The following CRYBG1 variants were observed in gnomAD, a reference collection of about 807,000 sequenced individuals.
CRYBG1 encodes the protein beta/gamma crystallin domain-containing protein 1.
Under a neutral mutation model 189.2 loss-of-function variants are expected in CRYBG1, and 139 were observed. The observed-to-expected ratio is 0.73, with a 90% CI of 0.64 to 0.85. CRYBG1 has a LOEUF of 0.85. CRYBG1 is among the 40% of genes least tolerant of loss of function. The pLI is 0.00. For synonymous variants in CRYBG1, 1,023 were observed against 1,017.1 expected (o/e 1.01, Z -0.11); for missense variants, 2,611 against 2,675.8 (o/e 0.98, Z 0.53).
rs116885114 is a variant in CRYBG1 at position 106,386,661 on chromosome 6, G to T, written c.173+25580G>T. 3.4e-3 allele frequency among the ~76,000 whole-genome samples: 434 copies of T among 127,316 alleles called. 1 individual carries two copies. Among genetic ancestry groups the T allele is most frequent in the Non-Finnish European group, 3.3e-3 (195 of 59,288 alleles). 83.5% of individuals were successfully genotyped at this position (127,316 alleles called of 152,430 possible). A position where few individuals can be genotyped will look rare whatever the true frequency, so the allele number is the denominator to read the frequency against. On this transcript the variant is annotated intron_variant, in intron 1 of 21. Coordinates refer to ENST00000633556, the MANE Select transcript of CRYBG1 (RefSeq NM_001371242.2). ...AAGGAGCATGCAGCCTAGATCCCTT[G>T]TATGTACAGTTCACAATAGGGGTCA...
chr6:106,401,611 G>C (rs1471195225), intron 1 of CRYBG1, among the ~76,000 whole-genome samples: 1 of 109,978 alleles, frequency 9.1e-6, no homozygotes, highest in African/African-American at 3.7e-5. Context: ...CTGTGTCCAA[G>C]TGATCTCATT....
intron 21 of CRYBG1, 69 bp downstream of exon 21, chr6:106,563,995 A>G: frequency 1.4e-6 from 2 of 1,469,336 alleles, no homozygotes; most frequent in Non-Finnish European, 9.4e-7. Flanking sequence ...AAATCTATTC[A>G]TAACTTTTGA....
chr6:106,385,465 G>A (rs1391837984), intron 1 of CRYBG1, among the ~76,000 whole-genome samples: 1 of 152,166 alleles, frequency 6.6e-6, no homozygotes, highest in Non-Finnish European at 1.5e-5. Flanking sequence ...AGTCATGGCA[G>A]CTACTCTGTC....
chr6:106,481,500 C>T (rs1477661490), intron 2 of CRYBG1, among the ~76,000 whole-genome samples: 1 of 152,160 alleles, frequency 6.6e-6, no homozygotes, highest in East Asian at 1.9e-4. Flanking sequence ...TGCATCTCCT[C>T]TCTCTGAAAG....
intron 1 of CRYBG1, among the ~76,000 whole-genome samples, chr6:106,370,557 C>T (rs1201805304): frequency 6.6e-6 from 1 of 152,300 alleles, no homozygotes; most frequent in African/African-American, 2.4e-5. Context: ...TTCCACCTTA[C>T]ATTGACCTTA....
intron 3 of CRYBG1, among the ~76,000 whole-genome samples, chr6:106,517,622 C>T (rs1004016761): frequency 6.6e-6 from 1 of 151,814 alleles, no homozygotes; most frequent in Non-Finnish European, 1.5e-5. Context: ...GAGTGGACAG[C>T]CCCATCCTCA....
chr6:106,511,444 TC>T lies in CRYBG1; in HGVS notation c.329del (p.Pro110GlnfsTer29). ...GIFKKSRAQP[P>X]EDNRRKPVLG... is the part of the protein sequence containing the mutation. ...TTATTTTTCAGTCCAGAGCACAACCTCCAGAAGACAACAGAAGGAAGCCAGT... is the reference window on the plus strand; with the variant it reads ...TTATTTTTCAGTCCAGAGCACAACCTCAGAAGACAACAGAAGGAAGCCAGT... On this transcript the variant is annotated frameshift_variant, in exon 3 of 22. Transcript: ENST00000633556. LOFTEE classifies it high-confidence loss of function. The T allele has an allele frequency of 2.6e-6, 4 of 1,535,578 alleles. No homozygotes were observed. The highest frequency in any genetic ancestry group is 3.5e-6 in the Non-Finnish European group (4 of 1,146,570).
intron 2 of CRYBG1, among the ~76,000 whole-genome samples, chr6:106,508,954 C>T (rs563003613): frequency 7.3e-6 from 1 of 136,738 alleles, no homozygotes; most frequent in East Asian, 2.2e-4. Context: ...AATGCCTATA[C>T]TAAGCATAGA....
intron 1 of CRYBG1, among the ~76,000 whole-genome samples, chr6:106,393,987 T>C (rs1252745004): frequency 1.3e-5 from 2 of 152,218 alleles, no homozygotes; most frequent in Non-Finnish European, 2.9e-5. Flanking sequence ...CTTCCTTTTT[T>C]GTCTTGTCCT....
At chr6:106,488,014 G>A (rs6902466) in intron 2 of CRYBG1, among the ~76,000 whole-genome samples, 18,707 of 152,122 alleles carry the variant, frequency 0.12, 1,337 homozygotes, top group East Asian at 0.27. Context: ...ATGGTGCATT[G>A]ACTTTGGTTC....
intron 16 of CRYBG1, among the ~76,000 whole-genome samples, chr6:106,554,907 C>T (rs2114589384): frequency 6.6e-6 from 1 of 152,234 alleles, no homozygotes; most frequent in Non-Finnish European, 1.5e-5. Flanking sequence ...TGACTCACAC[C>T]TGTAATCCCA....
intron 2 of CRYBG1, among the ~76,000 whole-genome samples, chr6:106,501,197 G>A (rs968007049): frequency 8.5e-5 from 13 of 152,144 alleles, no homozygotes; most frequent in African/African-American, 3.1e-4. Context: ...GTAATGTTAA[G>A]TGCTATGAAG....
chr6:106,436,022 T>A (rs9400002), intron 1 of CRYBG1, among the ~76,000 whole-genome samples: 1 of 152,058 alleles, frequency 6.6e-6, no homozygotes, highest in South Asian at 2.1e-4. Flanking sequence ...TTTTATTAAA[T>A]TATGTAAAAA....
chr6:106,450,383 G>C (rs1448930868), intron 1 of CRYBG1, among the ~76,000 whole-genome samples: 1 of 152,102 alleles, frequency 6.6e-6, no homozygotes, highest in East Asian at 1.9e-4. Flanking sequence ...TCCCACAAAA[G>C]CTTCCGTTTC....
chr6:106,447,940 G>T (rs929303467), intron 1 of CRYBG1, among the ~76,000 whole-genome samples: 1 of 152,156 alleles, frequency 6.6e-6, no homozygotes, highest in East Asian at 1.9e-4. Flanking sequence ...CTCTTGGCAC[G>T]ATTTCAAGTG....
chr6:106,435,462 A>G (rs1771436569), intron 1 of CRYBG1, among the ~76,000 whole-genome samples: 2 of 152,032 alleles, frequency 1.3e-5, no homozygotes, highest in Admixed American at 1.3e-4. Flanking sequence ...ACTGTCCCCA[A>G]CCTACAAAAT....
At chr6:106,555,355 C>T (rs184941993) in intron 16 of CRYBG1, among the ~76,000 whole-genome samples, 9 of 151,786 alleles carry the variant, frequency 5.9e-5, no homozygotes, top group African/African-American at 1.5e-4. Flanking sequence ...GAGGAGTGTG[C>T]GAGAAATTTT....
intron 2 of CRYBG1, among the ~76,000 whole-genome samples, chr6:106,461,259 A>T (rs1772003912): frequency 6.6e-6 from 1 of 152,152 alleles, no homozygotes; most frequent in Non-Finnish European, 1.5e-5. Context: ...AGTGGTAATC[A>T]CCCTGACCAG....
intron 8 of CRYBG1, among the ~76,000 whole-genome samples, chr6:106,533,892 A>T (rs13197493): frequency 0.68 from 103,880 of 151,964 alleles, 36,253 homozygotes; most frequent in South Asian, 0.84. Context: ...GTCACTGGCA[A>T]AGAGAATGTA....
Sources: allele counts gnomAD v4.1 joint callset (sites outside exome capture counted in the v4.1 genomes callset), GRCh38; gene constraint gnomAD v4.1.1; transcripts MANE v1.5; gene names NCBI Gene and HGNC (gene_info 2026-07-23, HGNC 2026-07-21).